The following LRBA variants were observed in gnomAD, a reference collection of about 807,000 sequenced individuals.
LRBA encodes LPS responsive beige-like anchor protein, also known as lipopolysaccharide-responsive and beige-like anchor protein.
In LRBA, 176 loss-of-function variants were observed where a neutral mutation model predicts 330.0. The observed-to-expected ratio is 0.53, with a 90% CI of 0.47 to 0.60. The LOEUF (loss-of-function observed/expected upper bound fraction) is 0.60. LRBA is among the 20% of genes least tolerant of loss of function. The pLI, the probability that LRBA is intolerant of heterozygous loss-of-function variation, is 0.00. For synonymous variants in LRBA, 1,230 were observed against 1,193.0 expected (o/e 1.03, Z -0.64); for missense variants, 3,259 against 3,444.8 (o/e 0.95, Z 1.35).
Position 150,597,173 on chromosome 4 carries a change from G to C in LRBA, c.6046+1834C>G, listed in dbSNP as rs988365372. ...TTTCAATTACTATCGAGAGTAATCA[G>C]AGTGAAATCTACTTCTATACAAGTC... On this transcript the variant is annotated intron_variant, in intron 38 of 56. Transcript: ENST00000651943. The C allele has an allele frequency of 2.1e-5, 17 of 817,332 alleles. No homozygotes were observed. In the African/African-American group the frequency reaches 2.1e-4, roughly 10 times the overall value. 50.6% of individuals were successfully genotyped at this position (817,332 alleles called of 1,614,324 possible).
chr4:150,342,001 G>A (rs1036971041), intron 48 of LRBA, among the ~76,000 whole-genome samples: 7 of 151,524 alleles, frequency 4.6e-5, no homozygotes, highest in African/African-American at 1.2e-4. Context: ...TTAGAAGAGG[G>A]AAAATTATTT....
chr4:150,618,675 T>A (rs1776002073), intron 37 of LRBA, among the ~76,000 whole-genome samples: 1 of 152,062 alleles, frequency 6.6e-6, no homozygotes, highest in African/African-American at 2.4e-5. Flanking sequence ...CAATAAACTA[T>A]ATTATGTCCT....
At chr4:150,390,222 C>G (rs1482817906) in intron 47 of LRBA, among the ~76,000 whole-genome samples, 1 of 152,182 alleles carries the variant, frequency 6.6e-6, no homozygotes, top group African/African-American at 2.4e-5. Context: ...CCTAAGCTGT[C>G]TATCTTCTTG....
chr4:150,559,640 AT>A (rs1767833709), intron 40 of LRBA, among the ~76,000 whole-genome samples: 2 of 57,102 alleles, frequency 3.5e-5, no homozygotes, highest in African/African-American at 1.3e-4. Context: ...ATATATATTT[AT>A]ATAATATAAT....
chr4:150,856,366 T>C (rs539130410), intron 22 of LRBA, among the ~76,000 whole-genome samples: 3 of 152,170 alleles, frequency 2.0e-5, no homozygotes, highest in Admixed American at 6.5e-5. Flanking sequence ...TTCATCTCTC[T>C]TCTATGTTGT....
Position 150,864,870 on chromosome 4 carries a change from C to T in LRBA, c.2766+2801G>A, listed in dbSNP as rs548668799. Among the ~76,000 whole-genome samples the T allele has an allele frequency of 1.3e-3, 194 of 152,098 alleles. 1 individual carries two copies. Among genetic ancestry groups the T allele is most frequent in the Non-Finnish European group, 9.9e-4 (67 of 68,016 alleles). On this transcript the variant is annotated intron_variant, in intron 22 of 56. Coordinates refer to ENST00000651943, the MANE Select transcript of LRBA (RefSeq NM_001364905.1). ...CCATGTTGGCCAGGCTGGTCCTGAA[C>T]TCCTGACCTCAAGTGATCCAGCCGC... is the stretch of plus-strand genomic sequence containing the variant.
At chr4:150,539,328 A>C (rs960562543) in intron 40 of LRBA, among the ~76,000 whole-genome samples, 19 of 152,116 alleles carry the variant, frequency 1.2e-4, no homozygotes, top group Admixed American at 3.9e-4. Flanking sequence ...ACAGCCCTGC[A>C]CCTCAATTTC....
intron 34 of LRBA, among the ~76,000 whole-genome samples, chr4:150,785,743 G>A (rs1738959099): frequency 6.6e-6 from 1 of 152,174 alleles, no homozygotes; most frequent in East Asian, 1.9e-4. Flanking sequence ...CACAGAACTA[G>A]ATTAACTACT....
chr4:150,482,452 T>C (rs1306302705), intron 42 of LRBA, among the ~76,000 whole-genome samples: 1 of 152,148 alleles, frequency 6.6e-6, no homozygotes, highest in Non-Finnish European at 1.5e-5. Flanking sequence ...GATAACCATC[T>C]TGGTTATTTC....
chr4:150,532,909 A>C (rs1362270026), intron 40 of LRBA, among the ~76,000 whole-genome samples: 1 of 152,154 alleles, frequency 6.6e-6, no homozygotes, highest in Non-Finnish European at 1.5e-5. Context: ...CTGAGAGGAA[A>C]AAAACTATCC....
chr4:150,593,407 G>T (rs1773128740), intron 38 of LRBA, among the ~76,000 whole-genome samples: 1 of 152,124 alleles, frequency 6.6e-6, no homozygotes. Flanking sequence ...TAAGAAAGCA[G>T]GCTCAAAGAG....
At chr4:150,735,117 T>G (rs1451528787) in intron 36 of LRBA, 141 bp downstream of exon 36, 2 of 657,100 alleles carry the variant, frequency 3.0e-6, no homozygotes, top group East Asian at 2.6e-5. Context: ...AGAACCCCCA[T>G]GACTCTCCTA....
At chr4:150,745,279 T>C (rs892648381) in intron 35 of LRBA, among the ~76,000 whole-genome samples, 8 of 152,076 alleles carry the variant, frequency 5.3e-5, no homozygotes, top group African/African-American at 1.9e-4. Context: ...GCTGCAAAAT[T>C]TGTGGGAATT....
chr4:150,343,088 GAA>G (rs1332604513), intron 48 of LRBA, among the ~76,000 whole-genome samples: 3 of 152,146 alleles, frequency 2.0e-5, no homozygotes, highest in Non-Finnish European at 4.4e-5. Context: ...AGGCAATAGT[GAA>G]AGTTTCACAA....
At chr4:150,846,587 G>A (rs1025123487) in intron 26 of LRBA, among the ~76,000 whole-genome samples, 1 of 151,500 alleles carries the variant, frequency 6.6e-6, no homozygotes, top group Non-Finnish European at 1.5e-5. Flanking sequence ...AGGGGGTGAG[G>A]GGGGTCTGAT....
intron 21 of LRBA, 100 bp downstream of exon 21, chr4:150,868,082 T>A: frequency 8.0e-7 from 1 of 1,253,648 alleles, no homozygotes. Flanking sequence ...AATAGAAAAA[T>A]CATTTCACAG....
chr4:150,721,717 C>A (rs1728960876), intron 36 of LRBA, among the ~76,000 whole-genome samples: 2 of 152,106 alleles, frequency 1.3e-5, no homozygotes. Flanking sequence ...CAGATTCAAG[C>A]GATTCCCATT....
At chr4:150,392,324 C>T (rs1744095379) in intron 47 of LRBA, among the ~76,000 whole-genome samples, 1 of 152,162 alleles carries the variant, frequency 6.6e-6, no homozygotes, top group Non-Finnish European at 1.5e-5. Context: ...GGATTGTAGA[C>T]AGTGCCTTCT....
chr4:150,837,505 A>T (rs528439082), intron 28 of LRBA, among the ~76,000 whole-genome samples: 2 of 152,088 alleles, frequency 1.3e-5, no homozygotes, highest in African/African-American at 4.8e-5. Flanking sequence ...TATATTTAGG[A>T]TAGTTAGCTC....
Sources: allele counts gnomAD v4.1 joint callset (sites outside exome capture counted in the v4.1 genomes callset), GRCh38; gene constraint gnomAD v4.1.1; transcripts MANE v1.5; gene names NCBI Gene and HGNC (gene_info 2026-07-23, HGNC 2026-07-21).